SORCS3: variants seen among roughly 807,000 people sequenced by gnomAD.
SORCS3 encodes the protein sortilin related VPS10 domain containing receptor 3.
SORCS3 carries 57 observed loss-of-function variants against 146.3 expected under a neutral mutation model. The observed-to-expected ratio is 0.39, with a 90% confidence interval of 0.31 to 0.49. The LOEUF is 0.49. Among genes scored for constraint, SORCS3 ranks in the 20% least tolerant of loss-of-function variants. The pLI is 0.92. For missense variants in SORCS3, 1,341 were observed against 1,575.5 expected, an observed-to-expected ratio of 0.85 and a Z score of 2.52; for synonymous variants, 653 against 618.5, an observed-to-expected ratio of 1.06 and a Z score of -0.83.
intron 20 of SORCS3, among the ~76,000 whole-genome samples, chr10:105,244,035 C>G (rs908268413): frequency 6.6e-6 from 1 of 152,118 alleles, no homozygotes. Flanking sequence ...ATCCTGCTGT[C>G]GTCCTGACAC....
intron 7 of SORCS3, among the ~76,000 whole-genome samples, chr10:105,115,911 C>T (rs373699845): frequency 7.9e-5 from 12 of 152,084 alleles, no homozygotes; most frequent in African/African-American, 1.7e-4. Flanking sequence ...ATTTACAACA[C>T]GGGAGTTTAA....
intron 13 of SORCS3, among the ~76,000 whole-genome samples, chr10:105,171,665 G>T: frequency 6.6e-6 from 1 of 152,168 alleles, no homozygotes; most frequent in Non-Finnish European, 1.5e-5. Flanking sequence ...ACTTCCAGGT[G>T]GCTAAAATGC....
intron 1 of SORCS3, among the ~76,000 whole-genome samples, chr10:104,757,735 T>A (rs2017070567): frequency 6.6e-6 from 1 of 152,174 alleles, no homozygotes; most frequent in Non-Finnish European, 1.5e-5. Context: ...GAGTTCTCAT[T>A]TCTGAAGAGA....
chr10:104,916,667 G>T (rs1242924586), intron 3 of SORCS3, among the ~76,000 whole-genome samples: 1 of 152,110 alleles, frequency 6.6e-6, no homozygotes. Flanking sequence ...TCTTTCTCCA[G>T]CTAAGAAAGC....
intron 4 of SORCS3, among the ~76,000 whole-genome samples, chr10:104,979,350 T>G (rs990768847): frequency 1.3e-5 from 2 of 152,200 alleles, no homozygotes; most frequent in Admixed American, 1.3e-4. Flanking sequence ...TTTCCTGACA[T>G]CTCCAGAATC....
At chr10:104,732,985 A>G (rs190025360) in intron 1 of SORCS3, among the ~76,000 whole-genome samples, 51 of 148,190 alleles carry the variant, frequency 3.4e-4, no homozygotes, top group African/African-American at 9.5e-4. Context: ...TGGAGGTGGG[A>G]GCCCAGTGGC....
chr10:104,861,232 C>A (rs1206975039), intron 2 of SORCS3, among the ~76,000 whole-genome samples: 3 of 152,134 alleles, frequency 2.0e-5, no homozygotes, highest in African/African-American at 7.2e-5. Flanking sequence ...AATGTGCACA[C>A]CCTTGGGAGT....
chr10:104,852,155 A>C (rs373392799), intron 2 of SORCS3, among the ~76,000 whole-genome samples: 51 of 152,366 alleles, frequency 3.3e-4, no homozygotes, highest in African/African-American at 1.0e-3. Flanking sequence ...GTCCACATGA[A>C]TACGGGACAG....
At chr10:105,257,092 T>G (rs1433678854) in intron 25 of SORCS3, among the ~76,000 whole-genome samples, 168 bp downstream of exon 25, 1 of 152,216 alleles carries the variant, frequency 6.6e-6, no homozygotes, top group Non-Finnish European at 1.5e-5. Context: ...ATGGATTAAA[T>G]GGGTTTGAGA....
At chr10:104,895,206 C>A (rs992543005) in intron 2 of SORCS3, among the ~76,000 whole-genome samples, 1 of 152,188 alleles carries the variant, frequency 6.6e-6, no homozygotes, top group Non-Finnish European at 1.5e-5. Context: ...TTACCTATTT[C>A]AATCCCTTTC....
At chr10:104,689,759 C>G (rs1282462456) in intron 1 of SORCS3, among the ~76,000 whole-genome samples, 1 of 152,156 alleles carries the variant, frequency 6.6e-6, no homozygotes. Context: ...CAACACCTGG[C>G]CCAGTGCCAT....
chr10:104,674,249 T>A (rs1232180132), intron 1 of SORCS3, among the ~76,000 whole-genome samples: 1 of 152,236 alleles, frequency 6.6e-6, no homozygotes, highest in Non-Finnish European at 1.5e-5. Context: ...AGCTCTAATG[T>A]GGTTCTAACA....
At chr10:105,217,857 G>A (rs1018614955) in intron 19 of SORCS3, 3 of 454,048 alleles carry the variant, frequency 6.6e-6, no homozygotes, top group Non-Finnish European at 1.3e-5. Context: ...GTCGGGTCGA[G>A]GAAATGTTGT....
chr10:105,011,602 C>T (rs373571415), intron 4 of SORCS3, among the ~76,000 whole-genome samples: 17 of 152,246 alleles, frequency 1.1e-4, no homozygotes, highest in African/African-American at 4.1e-4. Context: ...ACCAAAGAAA[C>T]TCCCTATGTG....
chr10:104,865,899 A>G (rs1460523177), intron 2 of SORCS3, among the ~76,000 whole-genome samples: 1 of 152,234 alleles, frequency 6.6e-6, no homozygotes, highest in African/African-American at 2.4e-5. Flanking sequence ...GGCTGTTTGC[A>G]GTACTCTGTC....
intron 1 of SORCS3, among the ~76,000 whole-genome samples, chr10:104,679,729 A>G (rs1022118121): frequency 1.3e-5 from 2 of 152,198 alleles, no homozygotes; most frequent in African/African-American, 4.8e-5. Context: ...TCTTGATTGC[A>G]ACATTCCATT....
At chr10:104,901,028 A>G (rs2018846040) in intron 2 of SORCS3, among the ~76,000 whole-genome samples, 1 of 151,874 alleles carries the variant, frequency 6.6e-6, no homozygotes, top group South Asian at 2.1e-4. Flanking sequence ...ACCTTCCAAT[A>G]CTCAACCCTC....
At chr10:104,897,127 T>G (rs902144153) in intron 2 of SORCS3, among the ~76,000 whole-genome samples, 1 of 152,196 alleles carries the variant, frequency 6.6e-6, no homozygotes, top group Non-Finnish European at 1.5e-5. Context: ...TCCCTGAGAA[T>G]GTCAAAGCAA....
intron 4 of SORCS3, among the ~76,000 whole-genome samples, chr10:105,034,038 T>A (rs904835730): frequency 2.0e-5 from 3 of 152,164 alleles, no homozygotes; most frequent in Non-Finnish European, 4.4e-5. Flanking sequence ...TTGGGGTTAT[T>A]AAGGAAGGAA....
Sources: allele counts gnomAD v4.1 joint callset (sites outside exome capture counted in the v4.1 genomes callset), GRCh38; gene constraint gnomAD v4.1.1; transcripts MANE v1.5; gene names NCBI Gene and HGNC (gene_info 2026-07-23, HGNC 2026-07-21).